Variants in SLC9A9 observed in about 807,000 individuals in gnomAD.
SLC9A9 encodes the protein sodium/hydrogen exchanger 9.
In SLC9A9, 62 loss-of-function variants were observed where a neutral mutation model predicts 77.8. The observed-to-expected ratio is 0.80, with a 90% CI of 0.65 to 0.98. SLC9A9 has a LOEUF of 0.98. Among genes scored for constraint, SLC9A9 ranks in the 50% least tolerant of loss-of-function variants. The pLI, the probability that SLC9A9 is intolerant of heterozygous loss-of-function variation, is 0.00. For synonymous variants in SLC9A9, 320 were observed against 283.5 expected, an observed-to-expected ratio of 1.13 and a Z score of -1.29; for missense variants, 775 against 774.9, an observed-to-expected ratio of 1.00 and a Z score of 0.00.
intron 6 of SLC9A9, among the ~76,000 whole-genome samples, chr3:143,633,164 TTATAGGTGATCAGGATACAGCA>T (rs2038455603): frequency 6.6e-6 from 1 of 152,192 alleles, no homozygotes; most frequent in Non-Finnish European, 1.5e-5. Flanking sequence ...CTTATGCTAG[TTATAGGTGATCAGGATACAGCA>T]TAAATACAAC....
At chr3:143,459,808 T>G (rs1298413992) in intron 12 of SLC9A9, among the ~76,000 whole-genome samples, 1 of 152,108 alleles carries the variant, frequency 6.6e-6, no homozygotes, top group Non-Finnish European at 1.5e-5. Flanking sequence ...ATATTTTCTA[T>G]GATTTTCCCA....
At chr3:143,627,999 T>C (rs2038360536) in intron 6 of SLC9A9, among the ~76,000 whole-genome samples, 1 of 152,242 alleles carries the variant, frequency 6.6e-6, no homozygotes, top group Non-Finnish European at 1.5e-5. Flanking sequence ...TTACTTAATA[T>C]ATCTGTATTT....
intron 4 of SLC9A9, among the ~76,000 whole-genome samples, chr3:143,724,598 G>C (rs1934589026): frequency 6.6e-6 from 1 of 152,162 alleles, no homozygotes; most frequent in Admixed American, 6.5e-5. Context: ...TTATTTCCTG[G>C]CTGGAAAACA....
chr3:143,620,969 T>C (rs959999096), intron 6 of SLC9A9, among the ~76,000 whole-genome samples: 3 of 152,138 alleles, frequency 2.0e-5, no homozygotes, highest in Admixed American at 2.0e-4. Context: ...GGAGATTATA[T>C]CCCGCGCCTG....
rs1031412671 is a variant in SLC9A9 at position 143,526,172 on chromosome 3, C to T, written c.1089+26190G>A. Reference sequence around the variant, plus strand: ...TTAAATCCACAGGGGAAGCTAAACCCTCAAACCACAGTCACATCTTCTTGT... The same window carrying T: ...TTAAATCCACAGGGGAAGCTAAACCTTCAAACCACAGTCACATCTTCTTGT... On this transcript the variant is annotated intron_variant, in intron 9 of 15. Coordinates refer to ENST00000316549, the MANE Select transcript of SLC9A9 (RefSeq NM_173653.4). 3.9e-5 allele frequency among the ~76,000 whole-genome samples: 6 copies of T among 152,290 alleles called. No individual in the cohort carries two copies. The South Asian group carries it at 1.2e-3, about 32-fold the overall frequency.
intron 4 of SLC9A9, among the ~76,000 whole-genome samples, chr3:143,775,389 A>G (rs555186899): frequency 6.6e-6 from 1 of 152,320 alleles, no homozygotes; most frequent in African/African-American, 2.4e-5. Flanking sequence ...GGAAAAATTA[A>G]GAGGTTACAT....
chr3:143,349,670 C>G (rs2032395936), intron 14 of SLC9A9, among the ~76,000 whole-genome samples: 1 of 152,174 alleles, frequency 6.6e-6, no homozygotes, highest in African/African-American at 2.4e-5. Flanking sequence ...AGCTATTTGA[C>G]TCATGCTCTG....
At chr3:143,488,286 C>T (rs1006010862) in intron 11 of SLC9A9, among the ~76,000 whole-genome samples, 1 of 151,848 alleles carries the variant, frequency 6.6e-6, no homozygotes. Flanking sequence ...AGAAAAGCTC[C>T]GGACTTCATG....
chr3:143,376,513 A>G (rs573043786), intron 13 of SLC9A9, among the ~76,000 whole-genome samples: 7 of 152,360 alleles, frequency 4.6e-5, no homozygotes, highest in South Asian at 2.1e-4. Context: ...GTGATTATGT[A>G]TATATACACA....
intron 4 of SLC9A9, 35 bp from the exon 5 acceptor site, chr3:143,693,342 A>C (rs1056893697): frequency 6.7e-7 from 1 of 1,496,300 alleles, no homozygotes; most frequent in Non-Finnish European, 9.3e-7. Context: ...TCAAACATCA[A>C]GATGAACCCT....
chr3:143,808,169 C>T (rs2108869633), intron 2 of SLC9A9, among the ~76,000 whole-genome samples: 1 of 152,338 alleles, frequency 6.6e-6, no homozygotes, highest in East Asian at 1.9e-4. Flanking sequence ...TAAATCATAG[C>T]TGCTCATCAA....
intron 12 of SLC9A9, among the ~76,000 whole-genome samples, chr3:143,442,192 A>T (rs1460707814): frequency 6.6e-6 from 1 of 152,212 alleles, no homozygotes; most frequent in East Asian, 1.9e-4. Context: ...ATGAGTATAA[A>T]GTAACAATTT....
At chr3:143,672,064 G>C (rs528944295) in intron 5 of SLC9A9, among the ~76,000 whole-genome samples, 1 of 152,086 alleles carries the variant, frequency 6.6e-6, no homozygotes, top group Non-Finnish European at 1.5e-5. Flanking sequence ...ATTTTTTGCT[G>C]TTTATAATAT....
At chr3:143,583,533 G>A (rs570991978) in intron 6 of SLC9A9, among the ~76,000 whole-genome samples, 53 of 152,212 alleles carry the variant, frequency 3.5e-4, no homozygotes, top group Non-Finnish European at 6.5e-4. Context: ...CTGAATCTGA[G>A]TTCTGGGTGT....
chr3:143,417,695 T>G (rs991114200), intron 12 of SLC9A9, among the ~76,000 whole-genome samples: 9 of 152,070 alleles, frequency 5.9e-5, no homozygotes, highest in Non-Finnish European at 1.3e-4. Context: ...AGGAACAGAC[T>G]CTGCCAGCAC....
intron 14 of SLC9A9, among the ~76,000 whole-genome samples, chr3:143,305,272 C>T (rs1327109591): frequency 6.6e-6 from 1 of 152,196 alleles, no homozygotes; most frequent in African/African-American, 2.4e-5. Context: ...AACCCCCTCA[C>T]TGAATCGCAG....
chr3:143,345,146 C>G (rs947779295), intron 14 of SLC9A9, among the ~76,000 whole-genome samples: 1 of 152,128 alleles, frequency 6.6e-6, no homozygotes, highest in African/African-American at 2.4e-5. Flanking sequence ...GAGGAAATAT[C>G]AAATAAGTTC....
intron 1 of SLC9A9, among the ~76,000 whole-genome samples, chr3:143,841,799 G>A (rs541479115): frequency 6.6e-6 from 1 of 151,386 alleles, no homozygotes; most frequent in South Asian, 2.1e-4. Flanking sequence ...CGTCACCTAG[G>A]TTGGAGTGCA....
At chr3:143,535,247 C>G (rs530532510) in intron 9 of SLC9A9, among the ~76,000 whole-genome samples, 1 of 152,234 alleles carries the variant, frequency 6.6e-6, no homozygotes, top group Non-Finnish European at 1.5e-5. Context: ...TGGAGCAAGT[C>G]TTAAAGACAG....
Sources: allele counts gnomAD v4.1 joint callset (sites outside exome capture counted in the v4.1 genomes callset), GRCh38; gene constraint gnomAD v4.1.1; transcripts MANE v1.5; gene names NCBI Gene and HGNC (gene_info 2026-07-23, HGNC 2026-07-21).